Variants in DSTN observed in about 807,000 individuals in gnomAD.
DSTN encodes the protein destrin.
Under a neutral mutation model 16.8 loss-of-function variants are expected in DSTN, and 10 were observed. The ratio of observed to expected loss-of-function variants is 0.60; its 90% confidence interval spans 0.37 to 1.01. The LOEUF is 1.01. Ranked by LOEUF, DSTN falls within the 50% of genes least tolerant of loss-of-function variation. The pLI, the probability that DSTN is intolerant of heterozygous loss-of-function variation, is 0.01. For synonymous variants in DSTN, 57 were observed against 58.9 expected (o/e 0.97, Z 0.14); for missense variants, 141 against 196.7 (o/e 0.72, Z 1.69).
intron 1 of DSTN, among the ~76,000 whole-genome samples, chr20:17,589,702 T>C (rs1450195770): frequency 6.6e-6 from 1 of 152,186 alleles, no homozygotes; most frequent in Non-Finnish European, 1.5e-5. Context: ...AGGCATGGTA[T>C]AAATAAAGTA....
intron 1 of DSTN, chr20:17,576,069 A>C (rs896797843): frequency 2.0e-5 from 3 of 152,210 alleles, no homozygotes; most frequent in African/African-American, 7.2e-5. Context: ...ATAGACTTAG[A>C]CAAATAAACA....
intron 1 of DSTN, among the ~76,000 whole-genome samples, chr20:17,588,425 T>C (rs1244398326): frequency 6.6e-6 from 1 of 152,180 alleles, no homozygotes; most frequent in African/African-American, 2.4e-5. Flanking sequence ...CAGGACCGCC[T>C]AAGGCTATGT....
At chr20:17,573,085 T>A (rs1040371675) in intron 1 of DSTN, among the ~76,000 whole-genome samples, 2 of 152,212 alleles carry the variant, frequency 1.3e-5, no homozygotes, top group African/African-American at 4.8e-5. Flanking sequence ...GTTACCTGTT[T>A]CCCAGAACAC....
At chr20:17,575,967 A>G (rs1285250340) in intron 1 of DSTN, among the ~76,000 whole-genome samples, 2 of 152,198 alleles carry the variant, frequency 1.3e-5, no homozygotes, top group Non-Finnish European at 2.9e-5. Flanking sequence ...GCCTCCTTTC[A>G]TTGATGTTGG....
At chr20:17,582,806 T>C (rs1012774485) in intron 1 of DSTN, among the ~76,000 whole-genome samples, 2 of 152,176 alleles carry the variant, frequency 1.3e-5, no homozygotes, top group African/African-American at 4.8e-5. Flanking sequence ...TTGTTGGTAG[T>C]TTTCCTGGCC....
chr20:17,574,870 G>GTTTTTTTTTTT (rs533880691), intron 1 of DSTN, among the ~76,000 whole-genome samples: 32 of 81,160 alleles, frequency 3.9e-4, no homozygotes, highest in South Asian at 1.2e-3. Flanking sequence ...CTTTTCTTTT[G>GTTTTTTTTTTT]TTTTTTTTTT....
chr20:17,605,362 C>T (rs2035630379), intron 3 of DSTN, among the ~76,000 whole-genome samples: 1 of 152,242 alleles, frequency 6.6e-6, no homozygotes, highest in Non-Finnish European at 1.5e-5. Flanking sequence ...GACTTGGTCT[C>T]ATGTGTGAGT....
intron 1 of DSTN, among the ~76,000 whole-genome samples, chr20:17,585,946 T>A (rs2035402460): frequency 6.6e-6 from 1 of 152,158 alleles, no homozygotes; most frequent in Non-Finnish European, 1.5e-5. Context: ...GTATATTTTA[T>A]TTTATTATTT....
chr20:17,602,697 A>G (rs1360366260), intron 2 of DSTN, among the ~76,000 whole-genome samples: 1 of 152,152 alleles, frequency 6.6e-6, no homozygotes, highest in African/African-American at 2.4e-5. Context: ...AGAACAGCTG[A>G]TGCTTTTTTA....
intron 1 of DSTN, among the ~76,000 whole-genome samples, chr20:17,573,304 A>T (rs1372194331): frequency 1.3e-5 from 2 of 151,676 alleles, no homozygotes; most frequent in Non-Finnish European, 2.9e-5. Context: ...AAAAAATTAA[A>T]CTTTGTGGGG....
rs74389222 is a variant in DSTN, at chr20:17,596,483, A to G, written c.4-4255A>G. ...TATTGCAGTCTAGTCACTAATCGAG[A>G]GAATCCTGGGGCTTCTCTGATACCA... On this transcript the variant is annotated intron_variant, in intron 1 of 3. Transcript: ENST00000246069. Among the ~76,000 whole-genome samples the G allele has an allele frequency of 3.0e-3, 451 of 152,298 alleles. 1 individual carries two copies. Among genetic ancestry groups the G allele is most frequent in the African/African-American group, 0.01 (435 of 41,554 alleles).
chr20:17,585,785 GT>G (rs1555808806), intron 1 of DSTN, among the ~76,000 whole-genome samples: 1 of 152,008 alleles, frequency 6.6e-6, no homozygotes, highest in African/African-American at 2.4e-5. Flanking sequence ...CCACTGATCT[GT>G]TTTTTGTCTC....
chr20:17,592,534 G>A (rs190721513), intron 1 of DSTN, among the ~76,000 whole-genome samples: 3 of 151,884 alleles, frequency 2.0e-5, no homozygotes, highest in Admixed American at 2.0e-4. Flanking sequence ...GTAAACCATG[G>A]TATAATAAAT....
At chr20:17,601,250 T>G (rs553766225) in intron 2 of DSTN, among the ~76,000 whole-genome samples, 1 of 149,578 alleles carries the variant, frequency 6.7e-6, no homozygotes, top group Non-Finnish European at 1.5e-5. Flanking sequence ...ACTTGTTATG[T>G]GACTCTCCGT....
In DSTN at chr20:17,609,130, G is replaced by T. The variant is rs1434183939; in HGVS notation, c.*1984G>T. 5 of 152,228 alleles carry T rather than the reference G, an allele frequency of 3.3e-5. No homozygotes were observed. Among genetic ancestry groups the T allele is most frequent in the Non-Finnish European group, 5.9e-5 (4 of 68,040 alleles). The allele number at this position is 152,228 out of a possible 1,614,324, so 9.4% of individuals were successfully genotyped here. ...GCTTTAATCAAAATATTTTGGAATT[G>T]TCTAGAAAATAGTGCTGGCTGCTTG... On this transcript the variant is annotated 3_prime_UTR_variant, in exon 4 of 4. Coordinates refer to ENST00000246069, the MANE Select transcript of DSTN (RefSeq NM_006870.4).
intron 1 of DSTN, among the ~76,000 whole-genome samples, chr20:17,597,367 T>C (rs774334814): frequency 6.6e-6 from 1 of 152,192 alleles, no homozygotes; most frequent in Non-Finnish European, 1.5e-5. Context: ...AATGAGATGA[T>C]GAAATAGCCC....
rs1317156867 is a variant in DSTN at position 17,601,029 on chromosome 20, T to C, written c.295T>C (p.Leu99=). 1 of 1,592,570 alleles carries C rather than the reference T, an allele frequency of 6.3e-7. No individual in the cohort carries two copies. Among genetic ancestry groups the C allele is most frequent in the Admixed American group, 1.8e-5 (1 of 56,628 alleles). The change falls in exon 2 of 4, where the codon TTG becomes CTG. Residue 99 remains leucine, a synonymous_variant. Transcript: ENST00000246069. The stretch of plus-strand genomic sequence containing the variant: ...AACAAAAGAATCCAGAAAAGAAGAG[T>C]TGATGTTTTTTTTGTGGTAAGCATG... ...FETKESRKEE[L]MFFLWAPELA...
intron 1 of DSTN, among the ~76,000 whole-genome samples, chr20:17,583,735 C>CTTTTTGT (rs2035372765): frequency 1.4e-5 from 1 of 72,484 alleles, no homozygotes; most frequent in African/African-American, 5.4e-5. Context: ...TTTGGAGTTT[C>CTTTTTGT]TTTTTTTTTT....
intron 1 of DSTN, among the ~76,000 whole-genome samples, chr20:17,580,027 G>A (rs2035325626): frequency 6.6e-6 from 1 of 152,230 alleles, no homozygotes; most frequent in African/African-American, 2.4e-5. Flanking sequence ...GATGACACCA[G>A]TGTGTGCCTC....
Sources: gnomAD v4.1 joint callset for allele counts (sites outside exome capture counted in the v4.1 genomes callset) on GRCh38, gnomAD v4.1.1 for gene constraint, MANE v1.5 for transcripts, NCBI Gene and HGNC (gene_info 2026-07-23, HGNC 2026-07-21) for gene names.